Variants in ADAM30 observed in about 807,000 individuals in gnomAD.
ADAM30 encodes disintegrin and metalloproteinase domain-containing protein 30.
For missense variants in ADAM30, 960 were observed against 959.4 expected (o/e 1.00, Z -0.01); for synonymous variants, 382 against 340.9 (o/e 1.12, Z -1.33).
chr1:119,895,804 TCATCATCACTTAAGC>T lies in ADAM30; in HGVS notation c.518_532del (p.Gly173_Asp177del), dbSNP rs780618897. 2 of 1,614,184 alleles carry T rather than the reference TCATCATCACTTAAGC, an allele frequency of 1.2e-6. No individual in the cohort carries two copies. The highest frequency in any genetic ancestry group is 1.7e-6 in the Non-Finnish European group (2 of 1,180,038). Reference sequence around the variant, plus strand: ...ATAAGGGGCCATCTGCCATTCTATTTCATCATCACTTAAGCCACAAACCTGATTCCCAAACTGCTC... The same window carrying T: ...ATAAGGGGCCATCTGCCATTCTATTTCACAAACCTGATTCCCAAACTGCTC... On this transcript the variant is annotated inframe_deletion, in exon 1 of 1. Transcript: ENST00000369400.
chr1:119,896,239 T>G lies in ADAM30; in HGVS notation c.98A>C (p.His33Pro). Residue 33 changes from histidine to proline, a missense_variant, in exon 1 of 1, where the codon CAC (histidine) becomes CCC (proline). His to Pro is a moderately conservative substitution (Grantham distance 77, BLOSUM62 -2). Transcript: ENST00000369400. ...LKSLGEDVIF[H>P]PEGEFDSYEV... ...ATACGAGTCAAACTCCCCTTCAGGG[T>G]GAAAAATTACATCTTCGCCAAGAGA... The G allele has an allele frequency of 1.2e-6, 2 of 1,613,846 alleles. No homozygotes were observed. Among genetic ancestry groups the G allele is most frequent in the South Asian group, 2.2e-5 (2 of 91,026 alleles).
rs917390514 is a variant in ADAM30, at chr1:119,895,291, T to A, written c.1046A>T (p.Asp349Val). The stretch of plus-strand genomic sequence containing the variant: ...ACCCCTACATTGGCAGTATTGTTCA[T>A]CATGTGACATTCCTACAGCATGACC... ...ELGHAVGMSHDEQYCQCRGRL... is the reference protein window; with the variant it reads ...ELGHAVGMSHVEQYCQCRGRL... Residue 349 changes from aspartate to valine, a missense_variant, in exon 1 of 1, where the codon GAT becomes GTT. Coordinates refer to ENST00000369400, the MANE Select transcript of ADAM30 (RefSeq NM_021794.4). 15 of 1,614,050 alleles carry A rather than the reference T, an allele frequency of 9.3e-6. No homozygotes were observed. Among genetic ancestry groups the A allele is most frequent in the Non-Finnish European group, 8.5e-6 (10 of 1,180,042 alleles).
Position 119,895,199 on chromosome 1 carries a change from T to A in ADAM30, c.1138A>T (p.Lys380Ter), listed in dbSNP as rs1648545600. 1 of 1,614,090 alleles carries A rather than the reference T, an allele frequency of 6.2e-7. No individual in the cohort carries two copies. Among genetic ancestry groups the A allele is most frequent in the Non-Finnish European group, 8.5e-7 (1 of 1,180,018 alleles). ...FSNCSYISFF[K>*]HISSGATCLN... ...CATGTTGCTCCCGAAGAGATATGTT[T>A]AAAAAAAGAGATATAACTGCAATTG... Residue 380 changes from lysine (K) to a stop codon, truncating the protein, a stop_gained, in exon 1 of 1, where the codon AAA becomes TAA. Coordinates refer to ENST00000369400, the MANE Select transcript of ADAM30 (RefSeq NM_021794.4). LOFTEE classifies it low-confidence loss of function (END_TRUNC).
chr1:119,895,149 A>T lies in ADAM30; in HGVS notation c.1188T>A (p.Gly396=). The T allele has an allele frequency of 6.2e-7, 1 of 1,614,090 alleles. No homozygotes were observed. Among genetic ancestry groups the T allele is most frequent in the Non-Finnish European group, 8.5e-7 (1 of 1,180,020 alleles). ...TGTTTCCACATCTCTTAAGCACATA[A>T]CCTAGTCCTGGGATATTATTTAGAC... The part of the protein sequence containing the change: ...ATCLNNIPGL[G]YVLKRCGNKI... The change falls in exon 1 of 1, where the codon GGT becomes GGA. Residue 396 remains glycine (G), a synonymous_variant. Coordinates refer to ENST00000369400, the MANE Select transcript of ADAM30 (RefSeq NM_021794.4).
Position 119,894,400 on chromosome 1 carries a change from T to A in ADAM30, c.1937A>T (p.Asn646Ile). Residue 646 changes from asparagine to isoleucine, a missense_variant, in exon 1 of 1, where the codon AAC (asparagine) becomes ATC (isoleucine). Coordinates refer to ENST00000369400, the MANE Select transcript of ADAM30 (RefSeq NM_021794.4). ...EKCNTRGVCN[N>I]RKNCHCMYGW... ...ATACATGCAGTGGCAGTTTTTTCTG[T>A]TGTTGCAAACACCCCGGGTATTGCA... is the stretch of plus-strand genomic sequence containing the variant. 1 of 1,614,212 alleles carries A rather than the reference T, an allele frequency of 6.2e-7. No individual in the cohort carries two copies. Among genetic ancestry groups the A allele is most frequent in the South Asian group, 1.1e-5 (1 of 91,080 alleles).
At position 119,896,048 on chromosome 1, in the gene ADAM30, C is replaced by T. The variant is rs1648578516; in HGVS notation, c.289G>A (p.Gly97Arg). 1.2e-6 allele frequency: 2 copies of T among 1,614,154 alleles called. No homozygotes were observed. Among genetic ancestry groups the T allele is most frequent in the East Asian group, 2.2e-5 (1 of 44,870 alleles). ...TAAGGATGATCCTCCAGCAGTTCCC[C>T]ATGTTCTGTGAAGGAGAAAACGCGC... Reference protein sequence around the residue: ...HLRVFSFTEHGELLEDHPYIP... With the variant: ...HLRVFSFTEHRELLEDHPYIP... Residue 97 changes from glycine (G) to arginine (R), a missense_variant, in exon 1 of 1, where the codon GGG becomes AGG. Coordinates refer to ENST00000369400, the MANE Select transcript of ADAM30 (RefSeq NM_021794.4).
rs774569999 is a variant in ADAM30 at position 119,896,444 on chromosome 1, G to A, written c.-108C>T. On this transcript the variant is annotated 5_prime_UTR_variant, in exon 1 of 1. Coordinates refer to ENST00000369400, the MANE Select transcript of ADAM30 (RefSeq NM_021794.4). The stretch of plus-strand genomic sequence containing the variant: ...TAGAGGCGCCTGAGCTCAAAACCCG[G>A]CTCCCCTGGCAGGGTTTCCGGGGGA... The A allele has an allele frequency of 9.1e-5, 129 of 1,421,408 alleles. No individual in the cohort carries two copies. The highest frequency in any genetic ancestry group is 1.2e-4 in the Non-Finnish European group (129 of 1,086,800). 88.0% of individuals were successfully genotyped at this position (1,421,408 alleles called of 1,614,324 possible).
chr1:119,895,435 T>C lies in ADAM30; in HGVS notation c.902A>G (p.Tyr301Cys). 1.2e-6 allele frequency: 2 copies of C among 1,613,884 alleles called. No homozygotes were observed. Among genetic ancestry groups the C allele is most frequent in the Non-Finnish European group, 1.7e-6 (2 of 1,179,960 alleles). ...DWAHLYLQRK[Y>C]NDALAWSFGK... ...AAACGACCATGCAAGAGCATCATTATATTTTCTTTGAAGATATAAATGTGC... is the reference window on the plus strand; with the variant it reads ...AAACGACCATGCAAGAGCATCATTACATTTTCTTTGAAGATATAAATGTGC... Residue 301 changes from tyrosine (Y) to cysteine (C), a missense_variant, in exon 1 of 1, where the codon TAT becomes TGT. By Grantham distance (194) the Tyr-to-Cys change is radical. Coordinates refer to ENST00000369400, the MANE Select transcript of ADAM30 (RefSeq NM_021794.4).
In ADAM30 at chr1:119,894,479, T is replaced by A. The variant is rs1454902574; in HGVS notation, c.1858A>T (p.Lys620Ter). 9.9e-6 allele frequency: 16 copies of A among 1,614,058 alleles called. No homozygotes were observed. The highest frequency in any genetic ancestry group is 5.0e-5 in the Admixed American group (3 of 60,004). ...TSCGEGRVCF[K>*]KNCVNSSVLQ... ...ACTGAGCTATTGACGCAATTTTTTTTAAAACATACCCGGCCTTCTCCACAG... is the reference window on the plus strand; with the variant it reads ...ACTGAGCTATTGACGCAATTTTTTTAAAAACATACCCGGCCTTCTCCACAG... Residue 620 changes from lysine (K) to a stop codon, truncating the protein, a stop_gained, in exon 1 of 1, where the codon AAA (lysine) becomes TAA (stop). Transcript: ENST00000369400. LOFTEE classifies it low-confidence loss of function (END_TRUNC).
Position 119,893,623 on chromosome 1 carries a change from T to A in ADAM30, c.*341A>T, listed in dbSNP as rs776536436. On this transcript the variant is annotated 3_prime_UTR_variant, in exon 1 of 1. Coordinates refer to ENST00000369400, the MANE Select transcript of ADAM30 (RefSeq NM_021794.4). ...GGAGGCAGAGGGAGAGGCAGACAAT[T>A]GCTTTGTTCCCTGGGATTCTGAGAA... The A allele has an allele frequency of 3.5e-6, 1 of 282,304 alleles. No homozygotes were observed. The highest frequency in any genetic ancestry group is 6.5e-6 in the Non-Finnish European group (1 of 153,336). The allele number at this position is 282,304 out of a possible 1,614,324, so 17.5% of individuals were successfully genotyped here.
Position 119,896,432 on chromosome 1 carries a change from G to T in ADAM30, c.-96C>A. ...GGGGGCCGCCGCTAGAGGCGCCTGA[G>T]CTCAAAACCCGGCTCCCCTGGCAGG... On this transcript the variant is annotated 5_prime_UTR_variant, in exon 1 of 1. Coordinates refer to ENST00000369400, the MANE Select transcript of ADAM30 (RefSeq NM_021794.4). The T allele has an allele frequency of 7.0e-7, 1 of 1,431,638 alleles. No homozygotes were observed. The highest frequency in any genetic ancestry group is 9.2e-7 in the Non-Finnish European group (1 of 1,091,650). The allele number at this position is 1,431,638 out of a possible 1,614,324, so 88.7% of individuals were successfully genotyped here.
rs763950171 is a variant in ADAM30 at position 119,895,508 on chromosome 1, C to T, written c.829G>A (p.Val277Ile). Residue 277 changes from valine (V) to isoleucine (I), a missense_variant, in exon 1 of 1, where the codon GTA becomes ATA. Val to Ile is a conservative substitution (Grantham distance 29, BLOSUM62 3). Transcript: ENST00000369400. ...TTTAATACACTTTTTTTATATATTACAAATCTGCCTAAAACTTCAGCTAAC... is the reference window on the plus strand; with the variant it reads ...TTTAATACACTTTTTTTATATATTATAAATCTGCCTAAAACTTCAGCTAAC... ...PELAEVLGRF[V>I]IYKKSVLNAR... 2.5e-6 allele frequency: 4 copies of T among 1,613,782 alleles called. No homozygotes were observed. The South Asian group carries it at 3.3e-5, about 13-fold the overall frequency.
At position 119,894,787 on chromosome 1, in the gene ADAM30, TC is replaced by T; in HGVS notation, c.1549del (p.Glu517ArgfsTer12). The stretch of plus-strand genomic sequence containing the variant: ...TGCATCATAGCACTCACTAGGAGCC[TC>T]CATGGCATCAGGTCCAAAAATGCTT... ...CQSIFGPDAM[E>X]APSECYDAVN... On this transcript the variant is annotated frameshift_variant, in exon 1 of 1. Transcript: ENST00000369400. LOFTEE classifies it low-confidence loss of function (END_TRUNC). 1.9e-6 allele frequency: 3 copies of T among 1,614,198 alleles called. No homozygotes were observed. The highest frequency in any genetic ancestry group is 2.5e-6 in the Non-Finnish European group (3 of 1,180,034).
chr1:119,894,227 C>A lies in ADAM30; in HGVS notation c.2110G>T (p.Val704Phe). 2 of 1,613,918 alleles carry A rather than the reference C, an allele frequency of 1.2e-6. No individual in the cohort carries two copies. The highest frequency in any genetic ancestry group is 1.7e-6 in the Non-Finnish European group (2 of 1,180,006). Residue 704 changes from valine (V) to phenylalanine (F), a missense_variant, in exon 1 of 1, where the codon GTT becomes TTT. Coordinates refer to ENST00000369400, the MANE Select transcript of ADAM30 (RefSeq NM_021794.4). ...ATCACTTGCCGGAAAAACACAAAAACCACTGAAAGGATTAATAAAATAAGG... is the reference window on the plus strand; with the variant it reads ...ATCACTTGCCGGAAAAACACAAAAAACACTGAAAGGATTAATAAAATAAGG... ...FRLILLILSV[V>F]FVFFRQVIGN...
rs1245757373 is a variant in ADAM30, at chr1:119,894,572, TGCCCCA to T, written c.1759_1764del (p.Trp587_Gly588del). 3 of 1,614,012 alleles carry T rather than the reference TGCCCCA, an allele frequency of 1.9e-6. No homozygotes were observed. The African/African-American group carries it at 4.0e-5, about 22-fold the overall frequency. On this transcript the variant is annotated inframe_deletion, in exon 1 of 1. Transcript: ENST00000369400. ...GGTTTCATGGATAGATGATAGCCTG[TGCCCCA>T]GCACATGAGATTTTCTGCCTGTAAA...
rs1407207838 is a variant in ADAM30 at position 119,896,379 on chromosome 1, C to G, written c.-43G>C. ...GCCTCAGTTTGCTATTCAGTCCCTG[C>G]AACTCTGGCCTCGCGAGTCAGATTT... is the stretch of plus-strand genomic sequence containing the variant. On this transcript the variant is annotated 5_prime_UTR_variant, in exon 1 of 1. Coordinates refer to ENST00000369400, the MANE Select transcript of ADAM30 (RefSeq NM_021794.4). 18 of 1,492,566 alleles carry G rather than the reference C, an allele frequency of 1.2e-5. No individual in the cohort carries two copies. The highest frequency in any genetic ancestry group is 1.6e-5 in the Non-Finnish European group (18 of 1,121,470). The allele number at this position is 1,492,566 out of a possible 1,614,324, so 92.5% of individuals were successfully genotyped here.
In ADAM30 at chr1:119,895,072, T is replaced by A; in HGVS notation, c.1265A>T (p.Gln422Leu). The A allele has an allele frequency of 6.2e-7, 1 of 1,614,232 alleles. No homozygotes were observed. The highest frequency in any genetic ancestry group is 2.2e-5 in the East Asian group (1 of 44,892). ...ECDCGSTEEC[Q>L]KDRCCQSNCK... The stretch of plus-strand genomic sequence containing the variant: ...ATTTGATTGGCAACACCGATCTTTC[T>A]GACACTCCTCTGTGGAACCACAGTC... The change falls in exon 1 of 1, where the codon CAG (glutamine) becomes CTG (leucine). Residue 422 changes from glutamine (Q) to leucine (L), a missense_variant. Gln to Leu is a moderately radical substitution (Grantham distance 113). Coordinates refer to ENST00000369400, the MANE Select transcript of ADAM30 (RefSeq NM_021794.4).
rs766359307 is a variant in ADAM30 at position 119,894,786 on chromosome 1, C to T, written c.1551G>A (p.Glu517=). Residue 517 remains glutamate (E), a synonymous_variant, in exon 1 of 1, where the codon GAG becomes GAA. Transcript: ENST00000369400. Reference sequence around the variant, plus strand: ...CTGCATCATAGCACTCACTAGGAGCCTCCATGGCATCAGGTCCAAAAATGC... The same window carrying T: ...CTGCATCATAGCACTCACTAGGAGCTTCCATGGCATCAGGTCCAAAAATGC... ...CQSIFGPDAM[E]APSECYDAVN... 1.2e-6 allele frequency: 2 copies of T among 1,614,090 alleles called. No individual in the cohort carries two copies. Among genetic ancestry groups the T allele is most frequent in the Admixed American group, 3.3e-5 (2 of 60,000 alleles).
At position 119,896,412 on chromosome 1, in the gene ADAM30, C is replaced by A; in HGVS notation, c.-76G>T. The A allele has an allele frequency of 6.9e-7, 1 of 1,448,678 alleles. No individual in the cohort carries two copies. The highest frequency in any genetic ancestry group is 9.1e-7 in the Non-Finnish European group (1 of 1,099,800). 89.7% of individuals were successfully genotyped at this position (1,448,678 alleles called of 1,614,324 possible). ...GCCTCGCGAGTCAGATTTCTGGGGG[C>A]CGCCGCTAGAGGCGCCTGAGCTCAA... On this transcript the variant is annotated 5_prime_UTR_variant, in exon 1 of 1. Transcript: ENST00000369400.
Sources: gnomAD v4.1 joint callset for allele counts on GRCh38, gnomAD v4.1.1 for gene constraint, MANE v1.5 for transcripts, NCBI Gene and HGNC (gene_info 2026-07-23, HGNC 2026-07-21) for gene names.